Variants in POP1 observed in about 807,000 individuals in gnomAD.
POP1 encodes POP1 ribonuclease P/MRP subunit.
A neutral mutation model predicts 102.2 loss-of-function variants in POP1; 75 were observed. That is an observed-to-expected ratio of 0.73 (90% CI 0.61 to 0.89). POP1 has a LOEUF of 0.89. Among genes scored for constraint, POP1 ranks in the 40% least tolerant of loss-of-function variants. The probability of loss-of-function intolerance (pLI) is 0.00; values close to 1 mark genes in which losing one functional copy is unlikely to be tolerated. For missense variants in POP1, 1,116 were observed against 1,267.4 expected (o/e 0.88, Z 1.81); for synonymous variants, 436 against 464.1 (o/e 0.94, Z 0.78).
chr8:98,155,460 T>C (rs1809622019), intron 14 of POP1, among the ~76,000 whole-genome samples: 1 of 151,768 alleles, frequency 6.6e-6, no homozygotes, highest in African/African-American at 2.4e-5. Flanking sequence ...TTTTTGTATT[T>C]TTAGTAGAGA....
chr8:98,134,546 T>C lies in POP1; in HGVS notation c.898T>C (p.Tyr300His). The part of the protein sequence containing the change: ...GSLVLYRVNK[Y>H]PREMLGPVTF... ...CCTTGTGCTTTATCGGGTGAATAAA[T>C]ATCCCAGAGAAATGCTTGGGCCTGT... The change falls in exon 7 of 16, where the codon TAT becomes CAT. Residue 300 changes from tyrosine to histidine, a missense_variant. Tyr to His is a moderately conservative substitution (Grantham distance 83, BLOSUM62 2). Coordinates refer to ENST00000401707, the MANE Select transcript of POP1 (RefSeq NM_001145860.2). 1 of 1,614,186 alleles carries C rather than the reference T, an allele frequency of 6.2e-7. No homozygotes were observed. Among genetic ancestry groups the C allele is most frequent in the Non-Finnish European group, 8.5e-7 (1 of 1,180,014 alleles).
At chr8:98,154,510 G>A (rs1809598899) in intron 14 of POP1, among the ~76,000 whole-genome samples, 1 of 151,374 alleles carries the variant, frequency 6.6e-6, no homozygotes, top group African/African-American at 2.5e-5. Context: ...TGGAGCAGGT[G>A]TTGGCAGTGA....
At chr8:98,152,209 A>T in intron 14 of POP1, among the ~76,000 whole-genome samples, 1 of 152,318 alleles carries the variant, frequency 6.6e-6, no homozygotes, top group South Asian at 2.1e-4. Flanking sequence ...AATAGTTAAA[A>T]ATAATACTTA....
rs1235717115 is a variant in POP1, at chr8:98,128,400, A to G, written c.346A>G (p.Ser116Gly). ...TGCTCAAGCACGAGCTGCTGAAATC[A>G]GTGCTATGTTAAAAGCTGTGACCCA... ...TFAQARAAEI[S>G]AMLKAVTQKS... The change falls in exon 4 of 16, where the codon AGT becomes GGT. Residue 116 changes from serine to glycine, a missense_variant. Physicochemically the swap from Ser to Gly is moderately conservative, Grantham distance 56 (BLOSUM62 0). Coordinates refer to ENST00000401707, the MANE Select transcript of POP1 (RefSeq NM_001145860.2). 1 of 1,614,090 alleles carries G rather than the reference A, an allele frequency of 6.2e-7. No homozygotes were observed.
chr8:98,128,551 C>T lies in POP1; in HGVS notation c.486+11C>T, dbSNP rs1372619621. The T allele has an allele frequency of 6.2e-7, 1 of 1,613,176 alleles. No individual in the cohort carries two copies. Among genetic ancestry groups the T allele is most frequent in the Non-Finnish European group, 8.5e-7 (1 of 1,179,370 alleles). On this transcript the variant is annotated intron_variant, in intron 4 of 15. Coordinates refer to ENST00000401707, the MANE Select transcript of POP1 (RefSeq NM_001145860.2). The stretch of plus-strand genomic sequence containing the variant: ...ATTGCCCAGAAAGAGGTAGGAGTTC[C>T]ACTTAGTGTAAATGTTTAGATTAGT...
At position 98,158,324 on chromosome 8, in the gene POP1, A is replaced by G; in HGVS notation, c.*53A>G. 6.3e-7 allele frequency: 1 copy of G among 1,578,240 alleles called. No individual in the cohort carries two copies. The highest frequency in any genetic ancestry group is 8.6e-7 in the Non-Finnish European group (1 of 1,161,794). On this transcript the variant is annotated 3_prime_UTR_variant, in exon 16 of 16. Coordinates refer to ENST00000401707, the MANE Select transcript of POP1 (RefSeq NM_001145860.2). ...AGATAATACGTTATTATTGTCTGCC[A>G]AGTTCTACATGTGGAGAATCTGCTT... is the stretch of plus-strand genomic sequence containing the variant.
intron 1 of POP1, among the ~76,000 whole-genome samples, chr8:98,119,074 A>G (rs1160542641): frequency 6.6e-6 from 1 of 152,248 alleles, no homozygotes; most frequent in Non-Finnish European, 1.5e-5. Context: ...GCTGCCTAAG[A>G]TGACAAAATT....
intron 13 of POP1, among the ~76,000 whole-genome samples, chr8:98,150,198 T>C (rs1809479894): frequency 6.6e-6 from 1 of 152,244 alleles, no homozygotes; most frequent in Admixed American, 6.5e-5. Context: ...CACAATAAAA[T>C]AACTATTTAG....
In POP1 at chr8:98,157,988, C is replaced by A. The variant is rs764384479; in HGVS notation, c.2792C>A (p.Pro931Gln). 2 of 1,613,078 alleles carry A rather than the reference C, an allele frequency of 1.2e-6. No individual in the cohort carries two copies. Among genetic ancestry groups the A allele is most frequent in the South Asian group, 2.2e-5 (2 of 91,088 alleles). The change falls in exon 16 of 16, where the codon CCG (proline) becomes CAG (glutamine). Residue 931 changes from proline to glutamine, a missense_variant. Coordinates refer to ENST00000401707, the MANE Select transcript of POP1 (RefSeq NM_001145860.2). ...CCAGGACGTGCCTCTTCTGATGGCC[C>A]GGCGGGGGAAGAGCCCGTGGCTGGG... The part of the protein sequence containing the change: ...QKPGRASSDG[P>Q]AGEEPVAGQE...
intron 11 of POP1, among the ~76,000 whole-genome samples, chr8:98,145,197 C>A (rs1005729733): frequency 2.0e-5 from 3 of 152,080 alleles, no homozygotes; most frequent in Non-Finnish European, 4.4e-5. Flanking sequence ...CCTGTTGTGG[C>A]TTTTAAACAG....
rs1307542970 is a variant in POP1 at position 98,127,730 on chromosome 8, G to A, written c.278G>A (p.Gly93Asp). The A allele has an allele frequency of 6.2e-7, 1 of 1,614,048 alleles. No individual in the cohort carries two copies. Among genetic ancestry groups the A allele is most frequent in the South Asian group, 1.1e-5 (1 of 91,074 alleles). ...GGAGGATGGAAAGCAGGTCCCGAGGGCACGTCTCAGGAGATCCCCAAGTAT... is the reference window on the plus strand; with the variant it reads ...GGAGGATGGAAAGCAGGTCCCGAGGACACGTCTCAGGAGATCCCCAAGTAT... Reference protein sequence around the residue: ...KKGGWKAGPEGTSQEIPKYIT... With the variant: ...KKGGWKAGPEDTSQEIPKYIT... Residue 93 changes from glycine to aspartate, a missense_variant, in exon 3 of 16, where the codon GGC (glycine) becomes GAC (aspartate). By Grantham distance (94) the Gly-to-Asp change is moderately conservative. Coordinates refer to ENST00000401707, the MANE Select transcript of POP1 (RefSeq NM_001145860.2).
chr8:98,150,294 A>G, intron 13 of POP1, among the ~76,000 whole-genome samples, 191 bp from the exon 14 acceptor site: 1 of 152,210 alleles, frequency 6.6e-6, no homozygotes, highest in East Asian at 1.9e-4. Flanking sequence ...ATTCTTTTCC[A>G]TATTGGTTAA....
rs1476548831 is a variant in POP1, at chr8:98,119,229, A to G, written c.-3+1839A>G. On this transcript the variant is annotated intron_variant, in intron 1 of 15. Transcript: ENST00000401707. ...TCACCATTTAAGTTTTTAAATAAGAAGCTATTTTGGAGCATTACAAATGAT... is the reference window on the plus strand; with the variant it reads ...TCACCATTTAAGTTTTTAAATAAGAGGCTATTTTGGAGCATTACAAATGAT... 3.3e-5 allele frequency among the ~76,000 whole-genome samples: 5 copies of G among 152,276 alleles called. No homozygotes were observed. The East Asian group carries it at 9.6e-4, about 29-fold the overall frequency.
At chr8:98,126,867 A>G (rs1183028838) in intron 2 of POP1, among the ~76,000 whole-genome samples, 1 of 152,212 alleles carries the variant, frequency 6.6e-6, no homozygotes, top group Non-Finnish European at 1.5e-5. Context: ...CTCATTTTAT[A>G]TATATACGAA....
At chr8:98,140,733 T>C (rs1322503258) in intron 10 of POP1, 36 bp from the exon 11 acceptor site, 3 of 1,605,472 alleles carry the variant, frequency 1.9e-6, no homozygotes, top group Non-Finnish European at 2.6e-6. Context: ...GTATTATGAA[T>C]GACTTTCTGT....
rs772716506 is a variant in POP1 at position 98,140,804 on chromosome 8, A to C, written c.1510A>C (p.Ile504Leu). The part of the protein sequence containing the change: ...TSPAEIPAGT[I>L]LGLTVGDPRI... Reference sequence around the variant, plus strand: ...ACCAGCAGAAATTCCGGCAGGTACTATTCTGGGACTGACAGTTGGGGATCC... The same window carrying C: ...ACCAGCAGAAATTCCGGCAGGTACTCTTCTGGGACTGACAGTTGGGGATCC... Residue 504 changes from isoleucine (I) to leucine (L), a missense_variant, in exon 11 of 16, where the codon ATT (isoleucine) becomes CTT (leucine). Ile to Leu is a conservative substitution (Grantham distance 5). Coordinates refer to ENST00000401707, the MANE Select transcript of POP1 (RefSeq NM_001145860.2). The C allele has an allele frequency of 1.2e-6, 2 of 1,614,044 alleles. No homozygotes were observed. The highest frequency in any genetic ancestry group is 1.7e-6 in the Non-Finnish European group (2 of 1,179,868).
intron 11 of POP1, among the ~76,000 whole-genome samples, chr8:98,143,172 A>G (rs1323831079): frequency 6.6e-6 from 1 of 152,194 alleles, no homozygotes; most frequent in Non-Finnish European, 1.5e-5. Flanking sequence ...TATGAAAGAA[A>G]ACATGCTTTG....
At chr8:98,153,598 C>T (rs151239640) in intron 14 of POP1, among the ~76,000 whole-genome samples, 2,295 of 124,230 alleles carry the variant, frequency 0.018, 64 homozygotes, top group African/African-American at 0.065. Flanking sequence ...AGTGCAGTGG[C>T]GTGATCTCGG....
intron 1 of POP1, among the ~76,000 whole-genome samples, chr8:98,122,858 G>A (rs1177637603): frequency 2.6e-5 from 4 of 152,124 alleles, no homozygotes; most frequent in Admixed American, 6.6e-5. Context: ...ACTACTGACT[G>A]GTAAATCAGT....
Sources: allele counts gnomAD v4.1 joint callset (sites outside exome capture counted in the v4.1 genomes callset), GRCh38; gene constraint gnomAD v4.1.1; transcripts MANE v1.5; gene names NCBI Gene and HGNC (gene_info 2026-07-23, HGNC 2026-07-21).